RELN: variants seen among roughly 807,000 people sequenced by gnomAD.
RELN encodes the protein reelin.
Under a neutral mutation model 427.6 loss-of-function variants are expected in RELN, and 108 were observed. The ratio of observed to expected loss-of-function variants is 0.25; its 90% CI spans 0.22 to 0.30. The LOEUF (loss-of-function observed/expected upper bound fraction) is 0.30. RELN is among the 10% of genes least tolerant of loss of function. RELN has a pLI of 1.00. For synonymous variants in RELN, 1,524 were observed against 1,513.4 expected (o/e 1.01, Z -0.16); for missense variants, 3,715 against 4,302.8 (o/e 0.86, Z 3.82).
intron 2 of RELN, among the ~76,000 whole-genome samples, chr7:103,894,518 T>C (rs892448700): frequency 1.3e-5 from 2 of 152,188 alleles, no homozygotes; most frequent in Non-Finnish European, 2.9e-5. Context: ...CTAAAACTGT[T>C]AACTTTTTAA....
intron 3 of RELN, among the ~76,000 whole-genome samples, chr7:103,777,002 C>T (rs1164517292): frequency 6.6e-6 from 1 of 152,122 alleles, no homozygotes; most frequent in African/African-American, 2.4e-5. Context: ...GAGAAAGAGG[C>T]TCTTAAGTTA....
intron 2 of RELN, among the ~76,000 whole-genome samples, chr7:103,884,944 G>A (rs1246934620): frequency 6.6e-6 from 1 of 152,108 alleles, no homozygotes; most frequent in Non-Finnish European, 1.5e-5. Context: ...TATACCCAAA[G>A]GATTATAAAT....
At position 103,603,096 on chromosome 7, in the gene RELN, C is replaced by A. The variant is rs558495913; in HGVS notation, c.3333+208G>T. Among the ~76,000 whole-genome samples the A allele has an allele frequency of 6.6e-6, 1 of 152,236 alleles. No homozygotes were observed. The highest frequency in any genetic ancestry group is 2.1e-4 in the South Asian group (1 of 4,832). On this transcript the variant is annotated intron_variant, in intron 24 of 64. Coordinates refer to ENST00000428762, the MANE Select transcript of RELN (RefSeq NM_005045.4). The surrounding 1 kb of genome is among the most constrained non-coding windows in gnomAD (Gnocchi z 4.3). ...GGGTAGAAGTTTTAAACTGGCTTAA[C>A]CTGATTTTTTAGTAACCAAAAAGAG...
intron 1 of RELN, among the ~76,000 whole-genome samples, chr7:103,966,674 T>C (rs4483088): frequency 0.73 from 110,919 of 152,152 alleles, 41,674 homozygotes; most frequent in African/African-American, 0.92. Context: ...GAAGCAAATA[T>C]CGGAAGCTAC....
intron 19 of RELN, among the ~76,000 whole-genome samples, chr7:103,633,293 T>G (rs2078159799): frequency 6.6e-6 from 1 of 152,132 alleles, no homozygotes; most frequent in African/African-American, 2.4e-5. Context: ...ATATAGCAAA[T>G]AGCTAAAGGC....
At position 103,472,647 on chromosome 7, in the gene RELN, G is replaced by T; in HGVS notation, c.*165C>A. The T allele has an allele frequency of 1.6e-6, 1 of 634,018 alleles. No homozygotes were observed. The highest frequency in any genetic ancestry group is 2.9e-6 in the Non-Finnish European group (1 of 349,922). The allele number at this position is 634,018 out of a possible 1,614,324, so 39.3% of individuals were successfully genotyped here. Reference sequence around the variant, plus strand: ...TGAGCAAATAAGTCACTTGTCATTAGTTCACAGTGTGGGAAAGTGGTGTAC... The same window carrying T: ...TGAGCAAATAAGTCACTTGTCATTATTTCACAGTGTGGGAAAGTGGTGTAC... On this transcript the variant is annotated 3_prime_UTR_variant, in exon 65 of 65. Transcript: ENST00000428762.
At chr7:103,658,047 A>G (rs959852874) in intron 12 of RELN, among the ~76,000 whole-genome samples, 1 of 152,124 alleles carries the variant, frequency 6.6e-6, no homozygotes, top group Non-Finnish European at 1.5e-5. Flanking sequence ...CCTAGTAAAT[A>G]TTTGTTGGAG....
At chr7:103,728,231 C>T (rs936369668) in intron 6 of RELN, 24 bp from the exon 7 acceptor site, 6 of 1,610,266 alleles carry the variant, frequency 3.7e-6, no homozygotes, top group Non-Finnish European at 4.2e-6. Context: ...GAACACAGTC[C>T]CCGTCTGAGA....
chr7:103,877,967 T>C (rs938659511), intron 2 of RELN, among the ~76,000 whole-genome samples: 3 of 150,940 alleles, frequency 2.0e-5, no homozygotes, highest in Admixed American at 6.6e-5. Flanking sequence ...GCAATTCTCC[T>C]GCCTCAGCCT....
chr7:103,523,379 A>G lies in RELN; in HGVS notation c.7490+12T>C. Reference sequence around the variant, plus strand: ...GGAGCTTTCAACAGAAGGAAGAAAAAAACCGACTTACACGCAGTTTCCCTG... The same window carrying G: ...GGAGCTTTCAACAGAAGGAAGAAAAGAACCGACTTACACGCAGTTTCCCTG... On this transcript the variant is annotated intron_variant, in intron 47 of 64. Coordinates refer to ENST00000428762, the MANE Select transcript of RELN (RefSeq NM_005045.4). 1 of 1,614,168 alleles carries G rather than the reference A, an allele frequency of 6.2e-7. No individual in the cohort carries two copies. The highest frequency in any genetic ancestry group is 8.5e-7 in the Non-Finnish European group (1 of 1,180,032).
chr7:103,964,297 A>C (rs750376179), intron 1 of RELN, among the ~76,000 whole-genome samples: 40 of 152,210 alleles, frequency 2.6e-4, no homozygotes, highest in Non-Finnish European at 5.0e-4. Context: ...TTTTGTGATC[A>C]ATATCAATCT....
chr7:103,609,747 T>C lies in RELN; in HGVS notation c.3008+948A>G, dbSNP rs1204877061. ...GTTTTTGTGTAGAGTCTAACTTTTA[T>C]ATAAAATAATCTGAGAAGGTTTATT... On this transcript the variant is annotated intron_variant, in intron 22 of 64. Transcript: ENST00000428762. Among the ~76,000 whole-genome samples, 7 of 152,216 alleles carry C rather than the reference T, an allele frequency of 4.6e-5. No individual in the cohort carries two copies. The East Asian group carries it at 7.7e-4, about 17-fold the overall frequency.
intron 3 of RELN, among the ~76,000 whole-genome samples, chr7:103,821,728 A>T (rs1406223467): frequency 6.6e-6 from 1 of 152,136 alleles, no homozygotes; most frequent in African/African-American, 2.4e-5. Flanking sequence ...CTTAGGTTAA[A>T]ACCAGGGGTT....
At chr7:103,957,788 G>A (rs1796465585) in intron 1 of RELN, among the ~76,000 whole-genome samples, 1 of 152,116 alleles carries the variant, frequency 6.6e-6, no homozygotes, top group African/African-American at 2.4e-5. Context: ...AGTGATGCTC[G>A]CCCATCTGTG....
At chr7:103,507,743 A>C (rs1207013296) in intron 51 of RELN, among the ~76,000 whole-genome samples, 2 of 152,058 alleles carry the variant, frequency 1.3e-5, no homozygotes, top group African/African-American at 4.8e-5. Context: ...ATGAATCCAG[A>C]AGCTGGTTTT....
At chr7:103,800,471 A>C (rs1205934971) in intron 3 of RELN, among the ~76,000 whole-genome samples, 6 of 152,188 alleles carry the variant, frequency 3.9e-5, no homozygotes, top group African/African-American at 7.2e-5. Flanking sequence ...CAAAAACAAG[A>C]TATGGGGAAA....
intron 3 of RELN, among the ~76,000 whole-genome samples, chr7:103,825,935 T>A (rs549317215): frequency 4.6e-5 from 7 of 151,914 alleles, no homozygotes; most frequent in African/African-American, 1.5e-4. Flanking sequence ...GTTCGTGTGT[T>A]GGAAACATGA....
At position 103,489,939 on chromosome 7, in the gene RELN, G is replaced by T. The variant is rs757551689; in HGVS notation, c.9606-40C>A. The T allele has an allele frequency of 2.4e-5, 38 of 1,612,284 alleles. 1 individual carries two copies. The South Asian group carries it at 3.8e-4, about 16-fold the overall frequency. On this transcript the variant is annotated intron_variant, in intron 59 of 64. Transcript: ENST00000428762. ...GAGAGCAGAAGGGATTCAGTAGGTT[G>T]TTACTTCCATGGCTGCATCCTGCCT...
intron 41 of RELN, among the ~76,000 whole-genome samples, chr7:103,548,727 T>C (rs1830351883): frequency 6.6e-6 from 1 of 152,234 alleles, no homozygotes; most frequent in Non-Finnish European, 1.5e-5. Context: ...GGTGAAAATA[T>C]AGATGTCTGC....
Sources: gnomAD v4.1 joint callset for allele counts (sites outside exome capture counted in the v4.1 genomes callset) on GRCh38, gnomAD v4.1.1 for gene constraint, Gnocchi (gnomAD v3.1) non-coding constraint, MANE v1.5 for transcripts, NCBI Gene and HGNC (gene_info 2026-07-23, HGNC 2026-07-21) for gene names.